GALNT13: variants seen among roughly 807,000 people sequenced by gnomAD.
GALNT13 encodes polypeptide N-acetylgalactosaminyltransferase 13.
In GALNT13, 28 loss-of-function variants were observed where a neutral mutation model predicts 64.2. The observed-to-expected ratio is 0.44, with a 90% confidence interval of 0.32 to 0.60. The LOEUF is 0.60. Ranked by LOEUF, GALNT13 falls within the 20% of genes least tolerant of loss-of-function variation. The pLI, the probability that GALNT13 is intolerant of heterozygous loss-of-function variation, is 0.05. For synonymous variants in GALNT13, 214 were observed against 224.6 expected (o/e 0.95, Z 0.42); for missense variants, 577 against 669.8 (o/e 0.86, Z 1.53).
intron 4 of GALNT13, among the ~76,000 whole-genome samples, chr2:154,161,964 G>A (rs1250922097): frequency 3.9e-5 from 6 of 152,016 alleles, no homozygotes; most frequent in African/African-American, 1.4e-4. Context: ...TGTATTTTTA[G>A]TAGAGATGGG....
chr2:153,877,585 A>C (rs978644158), intron 1 of GALNT13, among the ~76,000 whole-genome samples: 5 of 152,170 alleles, frequency 3.3e-5, no homozygotes, highest in Non-Finnish European at 7.4e-5. Flanking sequence ...ATTTTGACAT[A>C]TGAGGAGGAT....
intron 7 of GALNT13, among the ~76,000 whole-genome samples, chr2:154,251,403 A>G (rs931878893): frequency 1.3e-5 from 2 of 152,206 alleles, no homozygotes; most frequent in African/African-American, 4.8e-5. Flanking sequence ...TATTGGAAAT[A>G]TAGATGTTTA....
the GALNT13 span, among the ~76,000 whole-genome samples, chr2:153,699,493 G>A: frequency 1.3e-5 from 2 of 151,970 alleles, no homozygotes; most frequent in African/African-American, 4.8e-5. Context: ...TAAGGTCAGA[G>A]CAGAACTCAC....
chr2:154,032,027 A>G (rs912951809), intron 3 of GALNT13, among the ~76,000 whole-genome samples: 1 of 151,926 alleles, frequency 6.6e-6, no homozygotes, highest in African/African-American at 2.4e-5. Context: ...ACAGAAAAAA[A>G]CTAAAATTCA....
chr2:154,312,679 A>G (rs943159850), intron 9 of GALNT13, among the ~76,000 whole-genome samples: 8 of 152,252 alleles, frequency 5.3e-5, no homozygotes, highest in African/African-American at 1.9e-4. Context: ...AATCTCCCCC[A>G]AGTATAGCAC....
chr2:154,133,406 T>C (rs2105554454), intron 3 of GALNT13, among the ~76,000 whole-genome samples: 1 of 151,688 alleles, frequency 6.6e-6, no homozygotes, highest in Middle Eastern at 3.4e-3. Flanking sequence ...CACATTTTCA[T>C]TGTGAGTTGC....
chr2:154,087,039 A>C (rs1701566138), intron 3 of GALNT13, among the ~76,000 whole-genome samples: 1 of 152,054 alleles, frequency 6.6e-6, no homozygotes, highest in Non-Finnish European at 1.5e-5. Context: ...GTAAAAGACA[A>C]ATTGCTATCT....
intron 4 of GALNT13, among the ~76,000 whole-genome samples, chr2:154,204,354 C>T (rs936016384): frequency 6.6e-6 from 1 of 152,192 alleles, no homozygotes; most frequent in African/African-American, 2.4e-5. Context: ...TACTATATTT[C>T]TAAATCTAGA....
At chr2:154,027,333 C>T (rs1299528244) in intron 3 of GALNT13, among the ~76,000 whole-genome samples, 2 of 152,066 alleles carry the variant, frequency 1.3e-5, no homozygotes, top group Admixed American at 6.6e-5. Flanking sequence ...GACTACTTAA[C>T]AATATAGAAA....
At chr2:153,409,333 TA>T in the GALNT13 span, among the ~76,000 whole-genome samples, 6 of 139,146 alleles carry the variant, frequency 4.3e-5, no homozygotes, top group South Asian at 2.2e-4. Context: ...TATTCATATG[TA>T]TATGTATATA....
chr2:153,076,200 A>C, the GALNT13 span, among the ~76,000 whole-genome samples: 1 of 152,046 alleles, frequency 6.6e-6, no homozygotes, highest in Non-Finnish European at 1.5e-5. Context: ...CTCTAGGGGG[A>C]TTTATATACT....
chr2:154,406,359 A>C (rs989375722), intron 10 of GALNT13, among the ~76,000 whole-genome samples: 31 of 152,034 alleles, frequency 2.0e-4, no homozygotes, highest in Non-Finnish European at 2.1e-4. Context: ...TGCTCTTTGC[A>C]CAGCAGCCAC....
intron 9 of GALNT13, among the ~76,000 whole-genome samples, chr2:154,336,094 A>G (rs1695429702): frequency 1.3e-5 from 2 of 152,138 alleles, no homozygotes; most frequent in Non-Finnish European, 1.5e-5. Flanking sequence ...ATTGTGGATT[A>G]GAGAAATAAT....
rs553740323 is a variant in GALNT13, at chr2:154,453,581, A to G, written c.*3030A>G. On this transcript the variant is annotated 3_prime_UTR_variant, in exon 13 of 13. Coordinates refer to ENST00000392825, the MANE Select transcript of GALNT13 (RefSeq NM_052917.4). ...CCCTATCCCCTGTACCTGACAATCT[A>G]TGAGTTTGCTTCTTTATTTCTGTCT... 9.9e-5 allele frequency: 15 copies of G among 152,014 alleles called. No individual in the cohort carries two copies. Among genetic ancestry groups the G allele is most frequent in the African/African-American group, 3.1e-4 (13 of 41,460 alleles). 9.4% of individuals were successfully genotyped at this position (152,014 alleles called of 1,614,324 possible). A position where few individuals can be genotyped will look rare whatever the true frequency, so the allele number is the denominator to read the frequency against.
chr2:153,283,635 G>A, the GALNT13 span, among the ~76,000 whole-genome samples: 2 of 152,130 alleles, frequency 1.3e-5, no homozygotes, highest in Non-Finnish European at 2.9e-5. Context: ...CAGGTAGGGT[G>A]GGTCAGCTCC....
intron 9 of GALNT13, among the ~76,000 whole-genome samples, chr2:154,317,314 A>T (rs1292311757): frequency 1.3e-5 from 2 of 152,182 alleles, no homozygotes; most frequent in Non-Finnish European, 2.9e-5. Context: ...GAAAATAGAT[A>T]CAATTTTAAA....
the GALNT13 span, among the ~76,000 whole-genome samples, chr2:153,280,768 T>C: frequency 3.9e-5 from 6 of 152,222 alleles, no homozygotes; most frequent in African/African-American, 1.4e-4. Flanking sequence ...TATTGAGGCT[T>C]GCTTTATAGC....
chr2:154,313,788 TC>T (rs1437189222), intron 9 of GALNT13, among the ~76,000 whole-genome samples: 1 of 152,074 alleles, frequency 6.6e-6, no homozygotes, highest in Non-Finnish European at 1.5e-5. Flanking sequence ...AGTACTACCT[TC>T]TAGGGTTCAG....
chr2:153,495,042 C>T, the GALNT13 span, among the ~76,000 whole-genome samples: 1 of 152,090 alleles, frequency 6.6e-6, no homozygotes, highest in African/African-American at 2.4e-5. Context: ...ACTAGTTAAT[C>T]TTGCCTACTG....
Sources: allele counts gnomAD v4.1 joint callset (sites outside exome capture counted in the v4.1 genomes callset), GRCh38; gene constraint gnomAD v4.1.1; transcripts MANE v1.5; gene names NCBI Gene and HGNC (gene_info 2026-07-23, HGNC 2026-07-21).